Variants in ST6GAL1 observed in about 807,000 individuals in gnomAD.
ST6GAL1 encodes the protein ST6 beta-galactoside alpha-2,6-sialyltransferase 1.
In ST6GAL1, 20 loss-of-function variants were observed where a neutral mutation model predicts 38.0. That is an observed-to-expected ratio of 0.53 (90% CI 0.37 to 0.77). The LOEUF (loss-of-function observed/expected upper bound fraction) is 0.77. Among genes scored for constraint, ST6GAL1 ranks in the 30% least tolerant of loss-of-function variants. The pLI is 0.00. For missense variants in ST6GAL1, 432 were observed against 496.4 expected (o/e 0.87, Z 1.23); for synonymous variants, 196 against 188.2 (o/e 1.04, Z -0.34).
At chr3:186,995,315 T>C (rs55862858) in intron 2 of ST6GAL1, among the ~76,000 whole-genome samples, 36,309 of 151,412 alleles carry the variant, frequency 0.24, 4,431 homozygotes, top group South Asian at 0.32. Context: ...GAGACCATCC[T>C]GGCCAACATG....
Position 187,051,328 on chromosome 3 carries a change from T to G in ST6GAL1, c.687T>G (p.Ile229Met), listed in dbSNP as rs1273664154. The G allele has an allele frequency of 6.2e-7, 1 of 1,613,986 alleles. No homozygotes were observed. The highest frequency in any genetic ancestry group is 1.3e-5 in the African/African-American group (1 of 74,922). Reference protein sequence around the residue: ...FQQDVGTKTTIRLMNSQLVTT... With the variant: ...FQQDVGTKTTMRLMNSQLVTT... ...AAGATGTGGGCACAAAAACTACCAT[T>G]CGCCTGATGAACTCTCAGGTAAAAT... Residue 229 changes from isoleucine (I) to methionine (M), a missense_variant, in exon 5 of 8, where the codon ATT becomes ATG. Coordinates refer to ENST00000169298, the MANE Select transcript of ST6GAL1 (RefSeq NM_173216.2).
intron 2 of ST6GAL1, among the ~76,000 whole-genome samples, chr3:187,017,085 A>G (rs1717140509): frequency 6.6e-6 from 1 of 152,176 alleles, no homozygotes; most frequent in African/African-American, 2.4e-5. Context: ...TGGCCCTGCC[A>G]TTTCCTCAGT....
intron 2 of ST6GAL1, among the ~76,000 whole-genome samples, chr3:186,987,223 C>CAAGG (rs781392723): frequency 6.8e-6 from 1 of 147,108 alleles, no homozygotes; most frequent in Non-Finnish European, 1.5e-5. Context: ...GGAAAGAAAG[C>CAAGG]AAGGAAGGAA....
chr3:187,053,486 G>A (rs1413817969), intron 5 of ST6GAL1, among the ~76,000 whole-genome samples: 2 of 152,164 alleles, frequency 1.3e-5, no homozygotes, highest in Non-Finnish European at 2.9e-5. Flanking sequence ...TAAGGTGTAA[G>A]GAAGGGATCC....
At chr3:187,021,151 ATGGG>A (rs1234745962) in intron 2 of ST6GAL1, among the ~76,000 whole-genome samples, 1 of 151,886 alleles carries the variant, frequency 6.6e-6, no homozygotes, top group East Asian at 1.9e-4. Context: ...TTTAGTAGAG[ATGGG>A]ATTTCACCAT....
intron 2 of ST6GAL1, among the ~76,000 whole-genome samples, chr3:186,969,884 T>A (rs938161194): frequency 6.6e-6 from 1 of 152,180 alleles, no homozygotes; most frequent in Non-Finnish European, 1.5e-5. Context: ...TATGAATAAT[T>A]TGACCTGGTT....
rs577699800 is a variant in ST6GAL1, at chr3:187,009,792, T to A, written c.-182-28950T>A. On this transcript the variant is annotated intron_variant, in intron 2 of 7. Coordinates refer to ENST00000169298, the MANE Select transcript of ST6GAL1 (RefSeq NM_173216.2). ...AGGCTGAGGCGGGTGGATCATGAGG[T>A]CAGGAGTTCAAGACCACCCTGGCCA... Among the ~76,000 whole-genome samples the A allele has an allele frequency of 2.0e-5, 3 of 152,130 alleles. No individual in the cohort carries two copies. In the East Asian group the frequency reaches 5.8e-4, roughly 29 times the overall value.
At position 186,952,483 on chromosome 3, in the gene ST6GAL1, C is replaced by A. The variant is rs1714613853; in HGVS notation, c.-324-11302C>A. Among the ~76,000 whole-genome samples the A allele has an allele frequency of 6.6e-6, 1 of 151,694 alleles. No homozygotes were observed. Among genetic ancestry groups the A allele is most frequent in the Non-Finnish European group, 1.5e-5 (1 of 67,838 alleles). On this transcript the variant is annotated intron_variant, in intron 1 of 7. Coordinates refer to ENST00000169298, the MANE Select transcript of ST6GAL1 (RefSeq NM_173216.2). The surrounding 1 kb of genome is among the most constrained non-coding windows in gnomAD (Gnocchi z 4.1). Reference sequence around the variant, plus strand: ...TCTCCTTCTCAGTTCCTTTTCTTGGCTCATTTTCTTTTCTTTTCTTTTCTT... The same window carrying A: ...TCTCCTTCTCAGTTCCTTTTCTTGGATCATTTTCTTTTCTTTTCTTTTCTT...
At chr3:187,006,366 T>G (rs1356174331) in intron 2 of ST6GAL1, 2 of 152,134 alleles carry the variant, frequency 1.3e-5, no homozygotes, top group African/African-American at 4.8e-5. Context: ...AGAACACAAA[T>G]TGGGCTTTTT....
chr3:186,984,722 C>T (rs997383080), intron 2 of ST6GAL1, among the ~76,000 whole-genome samples: 3 of 143,148 alleles, frequency 2.1e-5, no homozygotes, highest in South Asian at 2.4e-4. Flanking sequence ...TCCTTCCCTT[C>T]CTCCCTTCCT....
chr3:187,045,877 T>A (rs59663889), intron 4 of ST6GAL1, among the ~76,000 whole-genome samples: 28,563 of 152,176 alleles, frequency 0.19, 2,857 homozygotes, highest in Admixed American at 0.29. Flanking sequence ...GAAAAGTGTG[T>A]TTGGGCATCA....
chr3:186,961,935 G>T (rs1236804622), intron 1 of ST6GAL1, among the ~76,000 whole-genome samples: 15 of 152,154 alleles, frequency 9.9e-5, no homozygotes, highest in Non-Finnish European at 2.9e-5. Flanking sequence ...CTCCTTGTGG[G>T]TGGCTCCTAG....
At chr3:186,957,500 T>C (rs1714786254) in intron 1 of ST6GAL1, among the ~76,000 whole-genome samples, 1 of 151,130 alleles carries the variant, frequency 6.6e-6, no homozygotes, top group Non-Finnish European at 1.5e-5. Flanking sequence ...AAGCCCAACA[T>C]CAGAATAGTA....
chr3:186,971,111 G>A (rs952987292), intron 2 of ST6GAL1, among the ~76,000 whole-genome samples: 5 of 152,150 alleles, frequency 3.3e-5, no homozygotes, highest in South Asian at 2.1e-4. Flanking sequence ...TTTTGGACAC[G>A]GAGTTTCACT....
At position 187,035,022 on chromosome 3, in the gene ST6GAL1, G is replaced by T. The variant is rs534310563; in HGVS notation, c.-182-3720G>T. ...AAAACTATAAAGACACTGCCAAAAGGCTTCTGGAACTAATAAACAACTTCA... is the reference window on the plus strand; with the variant it reads ...AAAACTATAAAGACACTGCCAAAAGTCTTCTGGAACTAATAAACAACTTCA... On this transcript the variant is annotated intron_variant, in intron 2 of 7. Coordinates refer to ENST00000169298, the MANE Select transcript of ST6GAL1 (RefSeq NM_173216.2). Among the ~76,000 whole-genome samples, 11 of 152,248 alleles carry T rather than the reference G, an allele frequency of 7.2e-5. No individual in the cohort carries two copies. The South Asian group carries it at 2.1e-3, about 29-fold the overall frequency.
intron 2 of ST6GAL1, among the ~76,000 whole-genome samples, chr3:186,965,201 C>T (rs1715064089): frequency 2.0e-5 from 3 of 152,118 alleles, no homozygotes; most frequent in African/African-American, 2.4e-5. Flanking sequence ...ATTTCCTTCC[C>T]GGAAAAGTCA....
intron 2 of ST6GAL1, among the ~76,000 whole-genome samples, chr3:187,000,159 T>A (rs777893146): frequency 3.3e-5 from 5 of 152,188 alleles, no homozygotes; most frequent in African/African-American, 4.8e-5. Flanking sequence ...TCCTGCCTCC[T>A]GACACATTAC....
At chr3:187,062,840 GA>G (rs1718968924) in intron 5 of ST6GAL1, among the ~76,000 whole-genome samples, 2 of 152,032 alleles carry the variant, frequency 1.3e-5, no homozygotes, top group Admixed American at 1.3e-4. Context: ...TTTTAAATTG[GA>G]AAAAATGTCA....
At chr3:187,021,545 G>C (rs192085736) in intron 2 of ST6GAL1, among the ~76,000 whole-genome samples, 101 of 151,942 alleles carry the variant, frequency 6.6e-4, no homozygotes, top group South Asian at 1.5e-3. Flanking sequence ...TTCGAGACCA[G>C]CCTGACCAAC....
Sources: allele counts gnomAD v4.1 joint callset (sites outside exome capture counted in the v4.1 genomes callset), GRCh38; gene constraint gnomAD v4.1.1; non-coding constraint Gnocchi (gnomAD v3.1); transcripts MANE v1.5; gene names NCBI Gene and HGNC (gene_info 2026-07-23, HGNC 2026-07-21).